The following GALNT17 variants were observed in gnomAD, a reference collection of about 807,000 sequenced individuals.
GALNT17 encodes the protein UDP-GalNAc:polypeptide N-acetylgalactosaminyltransferase-like 3.
GALNT17 carries 29 observed loss-of-function variants against 63.7 expected under a neutral mutation model. That is an observed-to-expected ratio of 0.46 (90% confidence interval 0.34 to 0.62). GALNT17 has a LOEUF of 0.62. Among genes scored for constraint, GALNT17 ranks in the 20% least tolerant of loss-of-function variants. The probability of loss-of-function intolerance (pLI) is 0.01; values close to 1 mark genes in which losing one functional copy is unlikely to be tolerated. For missense variants in GALNT17, 603 were observed against 799.6 expected (o/e 0.75, Z 2.97); for synonymous variants, 305 against 318.3 (o/e 0.96, Z 0.45).
chr7:71,488,889 C>CTTTTTTTTTTTTTTTTTT (rs369124996), intron 5 of GALNT17, among the ~76,000 whole-genome samples: 1 of 54,724 alleles, frequency 1.8e-5, no homozygotes. Context: ...GCCAGGTTTC[C>CTTTTTTTTTTTTTTTTTT]TTTTTTTTTT....
At chr7:71,332,441 C>G (rs1791822689) in intron 1 of GALNT17, among the ~76,000 whole-genome samples, 1 of 152,166 alleles carries the variant, frequency 6.6e-6, no homozygotes, top group Non-Finnish European at 1.5e-5. Context: ...AACTCATCCT[C>G]TCCCTCTCTG....
At chr7:71,181,020 C>T (rs3973936) in intron 1 of GALNT17, among the ~76,000 whole-genome samples, 39,810 of 151,998 alleles carry the variant, frequency 0.26, 9,653 homozygotes, top group African/African-American at 0.65. Flanking sequence ...TTTGGGAGGC[C>T]GAGGCAGGCG....
chr7:71,330,776 A>G (rs566066810), intron 1 of GALNT17, among the ~76,000 whole-genome samples: 3 of 152,198 alleles, frequency 2.0e-5, no homozygotes, highest in Admixed American at 2.0e-4. Flanking sequence ...CAAATATAGC[A>G]TAACTGAGAG....
rs118035170 is a variant in GALNT17 at position 71,373,459 on chromosome 7, G to A, written c.423-14776G>A. Among the ~76,000 whole-genome samples, 208 of 152,196 alleles carry A rather than the reference G, an allele frequency of 1.4e-3. 2 individuals are homozygous for A. The East Asian group carries it at 0.014, about 10-fold the overall frequency. On this transcript the variant is annotated intron_variant, in intron 2 of 10. Coordinates refer to ENST00000333538, the MANE Select transcript of GALNT17 (RefSeq NM_022479.3). ...GCCAGGACCGAGTCTCTATACCGGG[G>A]GTCCCCAGACCTTGGGCAGTGGAGT...
intron 5 of GALNT17, among the ~76,000 whole-genome samples, chr7:71,534,267 G>A (rs1788767559): frequency 6.6e-6 from 1 of 152,032 alleles, no homozygotes; most frequent in Non-Finnish European, 1.5e-5. Context: ...GGGTAGCATG[G>A]AGAAGTGTAA....
chr7:71,299,320 G>C (rs1791151176), intron 1 of GALNT17, among the ~76,000 whole-genome samples: 2 of 152,276 alleles, frequency 1.3e-5, no homozygotes, highest in Admixed American at 1.3e-4. Flanking sequence ...CCTTGCAGAC[G>C]AGAGGATGGG....
chr7:71,334,159 G>A (rs1043292982), intron 1 of GALNT17, among the ~76,000 whole-genome samples: 1 of 152,190 alleles, frequency 6.6e-6, no homozygotes, highest in Admixed American at 6.5e-5. Flanking sequence ...GTCTGACGGT[G>A]CTCGTTCAAC....
At chr7:71,670,486 T>G (rs1791052726) in intron 8 of GALNT17, among the ~76,000 whole-genome samples, 1 of 152,156 alleles carries the variant, frequency 6.6e-6, no homozygotes. Flanking sequence ...TGGGCTGGAA[T>G]CACTTATCAA....
intron 1 of GALNT17, among the ~76,000 whole-genome samples, chr7:71,164,412 C>A (rs564518173): frequency 2.6e-5 from 4 of 152,200 alleles, no homozygotes; most frequent in Non-Finnish European, 5.9e-5. Flanking sequence ...ATCATGAGAA[C>A]AGCAAGGGAG....
intron 1 of GALNT17, among the ~76,000 whole-genome samples, chr7:71,148,766 G>C (rs1268597002): frequency 6.7e-6 from 1 of 148,558 alleles, no homozygotes; most frequent in Non-Finnish European, 1.5e-5. Flanking sequence ...TTAATTGGTA[G>C]CGTACTTTTT....
rs538262102 is a variant in GALNT17, at chr7:71,334,777, C to T, written c.239-773C>T. On this transcript the variant is annotated intron_variant, in intron 1 of 10. Coordinates refer to ENST00000333538, the MANE Select transcript of GALNT17 (RefSeq NM_022479.3). ...ATTTATTCTCAAACATTTTGTATTTCCTCTTGCCATTTAGATAAAATTTAA... is the reference window on the plus strand; with the variant it reads ...ATTTATTCTCAAACATTTTGTATTTTCTCTTGCCATTTAGATAAAATTTAA... 2.0e-5 allele frequency among the ~76,000 whole-genome samples: 3 copies of T among 152,240 alleles called. No individual in the cohort carries two copies. In the South Asian group the frequency reaches 6.2e-4, roughly 32 times the overall value.
intron 5 of GALNT17, among the ~76,000 whole-genome samples, chr7:71,540,204 C>T (rs1004909842): frequency 1.4e-5 from 2 of 142,056 alleles, no homozygotes; most frequent in Non-Finnish European, 3.0e-5. Context: ...TGCCTCTCTG[C>T]CTCCTGGGTT....
At chr7:71,512,743 A>G (rs1375426948) in intron 5 of GALNT17, among the ~76,000 whole-genome samples, 1 of 152,100 alleles carries the variant, frequency 6.6e-6, no homozygotes, top group Admixed American at 6.5e-5. Flanking sequence ...TGCCCTAGGC[A>G]TTGTTCCCTC....
intron 1 of GALNT17, among the ~76,000 whole-genome samples, chr7:71,184,326 T>G (rs1290185396): frequency 1.3e-5 from 2 of 152,208 alleles, no homozygotes; most frequent in African/African-American, 2.4e-5. Context: ...GTCATGGTGA[T>G]GGAGTAACCT....
chr7:71,560,193 CAAAAAAAAAAAA>C (rs57189106), intron 5 of GALNT17, among the ~76,000 whole-genome samples: 1 of 94,464 alleles, frequency 1.1e-5, no homozygotes, highest in Admixed American at 1.4e-4. Context: ...GACTCCATCT[CAAAAAAAAAAAA>C]AAAAAAAAAA....
At chr7:71,182,991 C>T (rs753239723) in intron 1 of GALNT17, among the ~76,000 whole-genome samples, 9 of 152,128 alleles carry the variant, frequency 5.9e-5, no homozygotes, top group Non-Finnish European at 1.3e-4. Context: ...TAGAACAGAC[C>T]GTGTACATTT....
intron 9 of GALNT17, among the ~76,000 whole-genome samples, chr7:71,680,878 C>T (rs796296266): frequency 1.1e-5 from 1 of 91,530 alleles, no homozygotes; most frequent in Non-Finnish European, 2.9e-5. Flanking sequence ...TTCCTTCCTT[C>T]CTTTTCTTCC....
chr7:71,313,363 A>G (rs887032945), intron 1 of GALNT17, among the ~76,000 whole-genome samples: 3 of 152,158 alleles, frequency 2.0e-5, no homozygotes, highest in Non-Finnish European at 4.4e-5. Context: ...CTGCATCTTC[A>G]TACCTTTTTC....
intron 1 of GALNT17, among the ~76,000 whole-genome samples, chr7:71,184,991 CCTTCCTT>C (rs1562894887): frequency 1.6e-5 from 2 of 124,296 alleles, no homozygotes; most frequent in South Asian, 2.8e-4. Flanking sequence ...TTCCTTCCTT[CCTTCCTT>C]CTTCCTTCCC....
Sources: allele counts gnomAD v4.1 joint callset (sites outside exome capture counted in the v4.1 genomes callset), GRCh38; gene constraint gnomAD v4.1.1; transcripts MANE v1.5; gene names NCBI Gene and HGNC (gene_info 2026-07-23, HGNC 2026-07-21).